Variants in CTNNA2 observed in about 807,000 individuals in gnomAD.
CTNNA2 encodes catenin alpha-2.
In CTNNA2, 42 loss-of-function variants were observed where a neutral mutation model predicts 101.0. The ratio of observed to expected loss-of-function variants is 0.42; its 90% CI spans 0.32 to 0.54. The LOEUF is 0.54. Ranked by LOEUF, CTNNA2 falls within the 20% of genes least tolerant of loss-of-function variation. The pLI is 0.14. For synonymous variants in CTNNA2, 450 were observed against 456.4 expected (o/e 0.99, Z 0.18); for missense variants, 871 against 1,223.1 (o/e 0.71, Z 4.29).
At chr2:79,793,685 G>A (rs1038233659) in intron 3 of CTNNA2, among the ~76,000 whole-genome samples, 5 of 151,960 alleles carry the variant, frequency 3.3e-5, no homozygotes, top group African/African-American at 4.8e-5. Flanking sequence ...ATGGATAATC[G>A]CCACCCAATA....
At chr2:79,766,316 GT>G (rs921920933) in intron 3 of CTNNA2, among the ~76,000 whole-genome samples, 4 of 152,190 alleles carry the variant, frequency 2.6e-5, no homozygotes, top group African/African-American at 9.7e-5. Flanking sequence ...TGAGGTAAAA[GT>G]TTTTTTCCTT....
chr2:80,243,828 A>G (rs980786613), intron 7 of CTNNA2, among the ~76,000 whole-genome samples: 6 of 152,208 alleles, frequency 3.9e-5, no homozygotes, highest in African/African-American at 1.4e-4. Context: ...TATATGAAAG[A>G]GTATGTTTGA....
intron 7 of CTNNA2, among the ~76,000 whole-genome samples, chr2:80,205,947 T>G (rs1573387407): frequency 6.6e-6 from 1 of 152,214 alleles, no homozygotes; most frequent in Non-Finnish European, 1.5e-5. Context: ...TAAAACATAT[T>G]TATAAAGCAC....
intron 2 of CTNNA2, among the ~76,000 whole-genome samples, chr2:79,272,013 A>C (rs1675095503): frequency 6.6e-6 from 1 of 152,040 alleles, no homozygotes; most frequent in Non-Finnish European, 1.5e-5. Context: ...AACCAAATTC[A>C]TACTGGTCTC....
intron 7 of CTNNA2, among the ~76,000 whole-genome samples, chr2:80,348,515 T>C (rs556588677): frequency 2.6e-5 from 4 of 152,286 alleles, no homozygotes; most frequent in South Asian, 4.1e-4. Flanking sequence ...GAGGTTGAAC[T>C]TGGCATTTGA....
chr2:80,589,526 A>G (rs1390275848), intron 15 of CTNNA2, 41 bp downstream of exon 15: 1 of 1,593,060 alleles, frequency 6.3e-7, no homozygotes, highest in Non-Finnish European at 8.6e-7. Context: ...TTTTCATTAA[A>G]CCCAGAAGTG....
chr2:79,260,349 A>G (rs371066945), intron 2 of CTNNA2, among the ~76,000 whole-genome samples: 1 of 152,148 alleles, frequency 6.6e-6, no homozygotes, highest in African/African-American at 2.4e-5. Flanking sequence ...TTGTAAAATC[A>G]ATGGGTGCTG....
At chr2:80,553,237 AAAT>A (rs1692743594) in intron 11 of CTNNA2, among the ~76,000 whole-genome samples, 1 of 147,398 alleles carries the variant, frequency 6.8e-6, no homozygotes, top group African/African-American at 2.5e-5. Flanking sequence ...AAAAAAAATA[AAAT>A]AAAATAAAAT....
At chr2:79,245,275 T>C (rs1674685099) in intron 2 of CTNNA2, among the ~76,000 whole-genome samples, 1 of 152,024 alleles carries the variant, frequency 6.6e-6, no homozygotes. Flanking sequence ...ACATGCGAAA[T>C]GCCTTCTCTA....
At chr2:80,015,132 A>G (rs570321814) in intron 7 of CTNNA2, among the ~76,000 whole-genome samples, 24 of 152,316 alleles carry the variant, frequency 1.6e-4, no homozygotes, top group Admixed American at 6.5e-4. Flanking sequence ...CTGGTTTATA[A>G]CAAAGAATGC....
chr2:79,264,529 T>C (rs1674965900), intron 2 of CTNNA2, among the ~76,000 whole-genome samples: 1 of 152,016 alleles, frequency 6.6e-6, no homozygotes, highest in African/African-American at 2.4e-5. Flanking sequence ...AAAAGAAAAC[T>C]GAAGTTTAAG....
intron 7 of CTNNA2, among the ~76,000 whole-genome samples, chr2:80,049,919 C>A (rs1174140199): frequency 6.6e-6 from 1 of 152,288 alleles, no homozygotes; most frequent in East Asian, 1.9e-4. Flanking sequence ...AATTGCCCCT[C>A]CCCTCTAAAG....
At chr2:79,477,176 T>C (rs1379494273) in intron 4 of CTNNA2, among the ~76,000 whole-genome samples, 5 of 148,144 alleles carry the variant, frequency 3.4e-5, no homozygotes, top group South Asian at 2.1e-4. Context: ...TTCTTTTTTT[T>C]TTTTTTGTTT....
At chr2:79,452,710 T>C (rs577418485) in intron 4 of CTNNA2, among the ~76,000 whole-genome samples, 1 of 152,110 alleles carries the variant, frequency 6.6e-6, no homozygotes, top group East Asian at 1.9e-4. Context: ...TGCTAAATAA[T>C]ATAGAGCTTT....
At chr2:79,630,608 AAAG>A (rs1451647775) in intron 1 of CTNNA2, among the ~76,000 whole-genome samples, 1 of 152,244 alleles carries the variant, frequency 6.6e-6, no homozygotes, top group African/African-American at 2.4e-5. Flanking sequence ...CAAAGTGCTA[AAAG>A]AAGAATTTGG....
intron 7 of CTNNA2, among the ~76,000 whole-genome samples, chr2:79,930,044 C>G (rs1008032771): frequency 2.6e-5 from 4 of 151,992 alleles, no homozygotes; most frequent in African/African-American, 7.3e-5. Context: ...TGAGACTAGC[C>G]TGGCCAACGT....
intron 7 of CTNNA2, among the ~76,000 whole-genome samples, chr2:80,238,225 C>A (rs1366968253): frequency 6.6e-6 from 1 of 152,010 alleles, no homozygotes; most frequent in Admixed American, 6.6e-5. Context: ...TCATTTGAGG[C>A]TCCAGGGCAA....
intron 4 of CTNNA2, among the ~76,000 whole-genome samples, chr2:79,409,357 G>C: frequency 6.6e-6 from 1 of 152,092 alleles, no homozygotes; most frequent in East Asian, 1.9e-4. Flanking sequence ...TGGTGTTTTA[G>C]ACATGAAGTC....
intron 1 of CTNNA2, among the ~76,000 whole-genome samples, chr2:79,620,190 T>G (rs907464390): frequency 3.3e-5 from 5 of 152,208 alleles, no homozygotes; most frequent in African/African-American, 1.2e-4. Context: ...TTTCTAAACT[T>G]CTGATCACAG....
Sources: allele counts gnomAD v4.1 joint callset (sites outside exome capture counted in the v4.1 genomes callset), GRCh38; gene constraint gnomAD v4.1.1; transcripts MANE v1.5; gene names NCBI Gene and HGNC (gene_info 2026-07-23, HGNC 2026-07-21).